Variants in PCDH11X observed in about 807,000 individuals in gnomAD.
PCDH11X encodes the protein protocadherin-11 X-linked.
A neutral mutation model predicts 53.3 loss-of-function variants in PCDH11X; 18 were observed. That is an observed-to-expected ratio of 0.34 (90% CI 0.23 to 0.50). PCDH11X has a LOEUF of 0.50. Among genes scored for constraint, PCDH11X ranks in the 20% least tolerant of loss-of-function variants. The pLI is 0.98. For synonymous variants in PCDH11X, 279 were observed against 393.3 expected (o/e 0.71, Z 3.44); for missense variants, 570 against 1,032.4 (o/e 0.55, Z 6.14).
intron 6 of PCDH11X, among the ~76,000 whole-genome samples, chrX:92,119,032 C>T (rs764660214): frequency 3.0e-4 from 33 of 109,825 alleles, no homozygotes; most frequent in East Asian, 2.3e-3. Context: ...TGAGCCACTG[C>T]GCCCGGCCAA....
chrX:92,348,228 A>T (rs1366298287), intron 8 of PCDH11X, among the ~76,000 whole-genome samples: 1 of 111,639 alleles, frequency 9.0e-6, no homozygotes, highest in Non-Finnish European at 1.9e-5. Context: ...GTTCTGGACT[A>T]CTAGCAACCA....
chrX:92,354,813 G>T (rs1431640633), intron 8 of PCDH11X, among the ~76,000 whole-genome samples: 3 of 111,364 alleles, frequency 2.7e-5, no homozygotes, highest in Non-Finnish European at 5.6e-5. Flanking sequence ...ACATTAGTAG[G>T]TACTCAGTAA....
chrX:92,469,033 T>C, intron 10 of PCDH11X, among the ~76,000 whole-genome samples: 1 of 108,729 alleles, frequency 9.2e-6, no homozygotes, highest in Non-Finnish European at 1.9e-5. Context: ...GTCCACTTTA[T>C]ATTTGGTGAT....
chrX:91,983,550 C>A, intron 6 of PCDH11X: 3 of 472,722 alleles, frequency 6.3e-6, no homozygotes, highest in Non-Finnish European at 1.1e-5. Flanking sequence ...GCGGCTATGG[C>A]CGGGGCTGCC....
chrX:92,194,906 T>C (rs1292807150), intron 6 of PCDH11X, among the ~76,000 whole-genome samples: 1 of 111,732 alleles, frequency 8.9e-6, no homozygotes, highest in East Asian at 2.8e-4. Context: ...ATGACCTCTT[T>C]GCACAGAGTG....
intron 10 of PCDH11X, among the ~76,000 whole-genome samples, chrX:92,498,048 T>C (rs1358509701): frequency 8.9e-6 from 1 of 111,895 alleles, no homozygotes; most frequent in Non-Finnish European, 1.9e-5. Context: ...ATTATTTATT[T>C]ATTGTTTTGT....
intron 6 of PCDH11X, among the ~76,000 whole-genome samples, chrX:91,946,558 CAT>C (rs766671132): frequency 0.095 from 2,977 of 31,474 alleles, 60 homozygotes; most frequent in Middle Eastern, 0.15. Context: ...CTGTTTCCCT[CAT>C]ATATATATAT....
intron 6 of PCDH11X, among the ~76,000 whole-genome samples, chrX:92,125,417 A>G (rs1040648277): frequency 8.9e-6 from 1 of 112,043 alleles, no homozygotes; most frequent in African/African-American, 3.2e-5. Context: ...ACTAAAAGTA[A>G]TAAGACTGGT....
At chrX:91,964,489 G>A (rs1432794821) in intron 6 of PCDH11X, among the ~76,000 whole-genome samples, 8 of 111,467 alleles carry the variant, frequency 7.2e-5, no homozygotes, top group African/African-American at 9.8e-5. Context: ...ACATGATGGT[G>A]CTATGTTATA....
At chrX:92,013,831 C>T (rs538108652) in intron 6 of PCDH11X, among the ~76,000 whole-genome samples, 89 of 111,275 alleles carry the variant, frequency 8.0e-4, no homozygotes, top group African/African-American at 1.1e-3. Flanking sequence ...GCTAGCCATA[C>T]GTAGAAAGCT....
At chrX:92,506,219 T>TC (rs1227277755) in intron 10 of PCDH11X, among the ~76,000 whole-genome samples, 7 of 73,270 alleles carry the variant, frequency 9.6e-5, no homozygotes, top group Non-Finnish European at 1.3e-4. Flanking sequence ...TTCTTTTCTT[T>TC]TTTTTTTTTT....
At position 91,983,051 on chromosome X, in the gene PCDH11X, G is replaced by A. The variant is rs956356915; in HGVS notation, c.3033+103778G>A. 30 of 1,188,093 alleles carry A rather than the reference G, an allele frequency of 2.5e-5. No homozygotes were observed. The East Asian group carries it at 6.8e-4, about 27-fold the overall frequency. Reference sequence around the variant, plus strand: ...CAGTCTCAAAATTCATCTGGTAGCCGGCCAGCCAGCCCTTGTAACCCAGCA... The same window carrying A: ...CAGTCTCAAAATTCATCTGGTAGCCAGCCAGCCAGCCCTTGTAACCCAGCA... On this transcript the variant is annotated intron_variant, in intron 6 of 10. Coordinates refer to ENST00000682573, the MANE Select transcript of PCDH11X (RefSeq NM_032968.5).
rs552511311 is a variant in PCDH11X at position 91,899,935 on chromosome X, T to C, written c.3033+20662T>C. Among the ~76,000 whole-genome samples the C allele has an allele frequency of 8.9e-4, 99 of 111,848 alleles. 3 individuals carry two copies. The South Asian group carries it at 0.038, about 43-fold the overall frequency. On this transcript the variant is annotated intron_variant, in intron 6 of 10. Coordinates refer to ENST00000682573, the MANE Select transcript of PCDH11X (RefSeq NM_032968.5). ...CTGCCCATTCTGTATTCCCTTTGCC[T>C]TCAGCAAGCACCTCAGCAGGTCGTG...
At chrX:92,231,536 A>T (rs2067075172) in intron 7 of PCDH11X, among the ~76,000 whole-genome samples, 1 of 111,909 alleles carries the variant, frequency 8.9e-6, no homozygotes, top group Non-Finnish European at 1.9e-5. Flanking sequence ...TTCTGATATA[A>T]GCATGCTAGC....
intron 6 of PCDH11X, among the ~76,000 whole-genome samples, chrX:92,185,138 C>T (rs990116758): frequency 1.8e-4 from 20 of 110,463 alleles, no homozygotes; most frequent in Non-Finnish European, 3.2e-4. Context: ...TCCAGCTACA[C>T]GGGGGGCTAA....
chrX:92,367,402 A>T (rs1396683394), intron 8 of PCDH11X, among the ~76,000 whole-genome samples: 1 of 110,721 alleles, frequency 9.0e-6, no homozygotes, highest in Non-Finnish European at 1.9e-5. Flanking sequence ...TGCACGTGAG[A>T]TGGGTCTCTT....
At chrX:92,335,035 A>G (rs1392539988) in intron 8 of PCDH11X, among the ~76,000 whole-genome samples, 1 of 109,447 alleles carries the variant, frequency 9.1e-6, no homozygotes, top group Non-Finnish European at 1.9e-5. Flanking sequence ...TATATTGCCT[A>G]TCTCTCAGGG....
chrX:92,131,910 A>T (rs191278475), intron 6 of PCDH11X, among the ~76,000 whole-genome samples: 80 of 108,308 alleles, frequency 7.4e-4, no homozygotes, highest in Middle Eastern at 4.7e-3. Context: ...AGGCCTAGGC[A>T]AAACTCTTGG....
At chrX:92,152,125 CAG>C (rs2065445708) in intron 6 of PCDH11X, among the ~76,000 whole-genome samples, 1 of 82,406 alleles carries the variant, frequency 1.2e-5, no homozygotes, top group Admixed American at 1.5e-4. Context: ...GCCAAGGAAA[CAG>C]AATATACATA....
Sources: gnomAD v4.1 joint callset for allele counts (sites outside exome capture counted in the v4.1 genomes callset) on GRCh38, gnomAD v4.1.1 for gene constraint, MANE v1.5 for transcripts, NCBI Gene and HGNC (gene_info 2026-07-23, HGNC 2026-07-21) for gene names.